Variants in ARID2 observed in about 807,000 individuals in gnomAD.
ARID2 encodes AT-rich interactive domain-containing protein 2.
ARID2 carries 32 observed loss-of-function variants against 184.6 expected under a neutral mutation model. The ratio of observed to expected loss-of-function variants is 0.17; its 90% confidence interval spans 0.13 to 0.23. The LOEUF (loss-of-function observed/expected upper bound fraction) is 0.23. Among genes scored for constraint, ARID2 ranks in the 10% least tolerant of loss-of-function variants. The pLI, the probability that ARID2 is intolerant of heterozygous loss-of-function variation, is 1.00. For missense variants in ARID2, 1,696 were observed against 2,197.6 expected (o/e 0.77, Z 4.56); for synonymous variants, 836 against 772.6 (o/e 1.08, Z -1.36).
chr12:45,788,028 T>G (rs1320528417), intron 3 of ARID2, among the ~76,000 whole-genome samples: 1 of 152,234 alleles, frequency 6.6e-6, no homozygotes, highest in Non-Finnish European at 1.5e-5. Flanking sequence ...AACATACTGT[T>G]TTGAAGTATG....
At chr12:45,859,741 A>AT (rs1943710335) in intron 15 of ARID2, among the ~76,000 whole-genome samples, 1 of 152,072 alleles carries the variant, frequency 6.6e-6, no homozygotes, top group Non-Finnish European at 1.5e-5. Context: ...TAGAATTATT[A>AT]TTTTTTCTTT....
Position 45,839,476 on chromosome 12 carries a change from C to A in ARID2, c.1478C>A (p.Thr493Asn), listed in dbSNP as rs773261633. Residue 493 changes from threonine to asparagine, a missense_variant, in exon 11 of 21, where the codon ACT becomes AAT. Around this residue, in one of 11 missense-constraint regions of ARID2, gnomAD observed 713 missense variants for 824.4 expected, o/e 0.86. Coordinates refer to ENST00000334344, the MANE Select transcript of ARID2 (RefSeq NM_152641.4). ...PQAIEQVQTQ[T>N]HVASAPASRA... The stretch of plus-strand genomic sequence containing the variant: ...GCTATAGAGCAAGTCCAAACCCAGA[C>A]TCATGTAGCATCTGCCCCAGGTTAG... 1.2e-6 allele frequency: 2 copies of A among 1,612,912 alleles called. No homozygotes were observed. Among genetic ancestry groups the A allele is most frequent in the South Asian group, 1.1e-5 (1 of 90,814 alleles).
chr12:45,783,710 G>T (rs771695124), intron 3 of ARID2, among the ~76,000 whole-genome samples: 1 of 152,184 alleles, frequency 6.6e-6, no homozygotes, highest in African/African-American at 2.4e-5. Flanking sequence ...GCGCAGTTTC[G>T]CTGGCTTGCC....
intron 6 of ARID2, among the ~76,000 whole-genome samples, chr12:45,824,404 A>G (rs1194095514): frequency 3.9e-5 from 6 of 152,102 alleles, no homozygotes; most frequent in Non-Finnish European, 7.4e-5. Context: ...CTCATTCAAC[A>G]TTGTATTGGA....
At chr12:45,876,785 C>T (rs1029218389) in intron 16 of ARID2, among the ~76,000 whole-genome samples, 19 of 148,252 alleles carry the variant, frequency 1.3e-4, no homozygotes, top group Admixed American at 2.7e-4. Context: ...TTGCCACAAA[C>T]CTTCAATTAA....
At chr12:45,899,981 G>A (rs982006802) in intron 20 of ARID2, among the ~76,000 whole-genome samples, 3 of 151,792 alleles carry the variant, frequency 2.0e-5, no homozygotes, top group African/African-American at 4.8e-5. Context: ...CATCACAGTC[G>A]TTGATTAAAT....
At chr12:45,815,835 A>G (rs1334046747) in intron 4 of ARID2, among the ~76,000 whole-genome samples, 1 of 152,018 alleles carries the variant, frequency 6.6e-6, no homozygotes, top group Non-Finnish European at 1.5e-5. Flanking sequence ...TAAATGTTAA[A>G]TTTTTGGTAG....
chr12:45,740,435 T>C (rs1329641322), intron 3 of ARID2, among the ~76,000 whole-genome samples: 1 of 152,040 alleles, frequency 6.6e-6, no homozygotes, highest in East Asian at 1.9e-4. Flanking sequence ...ACACACACTA[T>C]CACATATAAA....
In ARID2 at chr12:45,747,058, C is replaced by T. The variant is rs141173412; in HGVS notation, c.284+15744C>T. On this transcript the variant is annotated intron_variant, in intron 3 of 20. Transcript: ENST00000334344. Reference sequence around the variant, plus strand: ...TGTTGGGATTACAGGCGTGAGCCACCGTGCCCGGCTGGACCTAGTATTTAA... The same window carrying T: ...TGTTGGGATTACAGGCGTGAGCCACTGTGCCCGGCTGGACCTAGTATTTAA... Among the ~76,000 whole-genome samples the T allele has an allele frequency of 5.9e-5, 9 of 152,298 alleles. No individual in the cohort carries two copies. The East Asian group carries it at 1.2e-3, about 20-fold the overall frequency.
chr12:45,844,653 G>A (rs917599481), intron 11 of ARID2, among the ~76,000 whole-genome samples: 8 of 152,158 alleles, frequency 5.3e-5, no homozygotes, highest in African/African-American at 1.7e-4. Flanking sequence ...AGTAGCTAGC[G>A]TTTATATAGT....
At chr12:45,838,045 ATTTC>A (rs756091591) in intron 10 of ARID2, among the ~76,000 whole-genome samples, 11 of 152,318 alleles carry the variant, frequency 7.2e-5, no homozygotes, top group Non-Finnish European at 1.3e-4. Flanking sequence ...AGTAATTCCT[ATTTC>A]TTCTCTTAAT....
At chr12:45,895,675 T>C (rs892217267) in intron 20 of ARID2, among the ~76,000 whole-genome samples, 21 of 152,132 alleles carry the variant, frequency 1.4e-4, no homozygotes, top group African/African-American at 5.1e-4. Flanking sequence ...GCTGGGATTA[T>C]CGGCTCATGC....
intron 16 of ARID2, among the ~76,000 whole-genome samples, chr12:45,861,852 C>T (rs1266585059): frequency 6.6e-6 from 1 of 151,958 alleles, no homozygotes. Flanking sequence ...GGACTACAAG[C>T]GTAAGCTACT....
chr12:45,834,042 A>G (rs1943169472), intron 6 of ARID2, among the ~76,000 whole-genome samples: 1 of 152,172 alleles, frequency 6.6e-6, no homozygotes, highest in African/African-American at 2.4e-5. Flanking sequence ...GCTTTAGTCT[A>G]GAATTAATGT....
intron 3 of ARID2, among the ~76,000 whole-genome samples, chr12:45,777,571 G>C (rs1028513061): frequency 4.6e-5 from 7 of 151,806 alleles, no homozygotes; most frequent in Non-Finnish European, 7.4e-5. Context: ...ATTTTTCTCC[G>C]TGTAAGTCAA....
Position 45,785,202 on chromosome 12 carries a change from C to T in ARID2, c.285-26216C>T, listed in dbSNP as rs79858605. On this transcript the variant is annotated intron_variant, in intron 3 of 20. Transcript: ENST00000334344. ...TATAGAGACAGGAGCACAGAGTGCC[C>T]TAAAGTTAAACAAGTTTGAATTCTG... is the stretch of plus-strand genomic sequence containing the variant. Among the ~76,000 whole-genome samples the T allele has an allele frequency of 1.2e-3, 182 of 152,200 alleles. 2 individuals carry two copies. In the East Asian group the frequency reaches 0.013, roughly 11 times the overall value.
chr12:45,858,915 T>C (rs1943697830), intron 15 of ARID2, among the ~76,000 whole-genome samples: 1 of 152,238 alleles, frequency 6.6e-6, no homozygotes. Flanking sequence ...AGTCTTGAAG[T>C]AGATTTTTCC....
At chr12:45,734,025 A>C (rs1453009742) in intron 3 of ARID2, among the ~76,000 whole-genome samples, 1 of 152,228 alleles carries the variant, frequency 6.6e-6, no homozygotes, top group East Asian at 1.9e-4. Flanking sequence ...CAAAAATTAA[A>C]AATTAAAAAA....
chr12:45,899,561 C>A (rs1016390928), intron 20 of ARID2, among the ~76,000 whole-genome samples: 2 of 148,238 alleles, frequency 1.3e-5, no homozygotes, highest in Non-Finnish European at 3.0e-5. Flanking sequence ...AACCGAGATC[C>A]CACCACTGCA....
Sources: allele counts gnomAD v4.1 joint callset (sites outside exome capture counted in the v4.1 genomes callset), GRCh38; gene constraint gnomAD v4.1.1; regional missense constraint gnomAD v4.1.1; transcripts MANE v1.5; gene names NCBI Gene and HGNC (gene_info 2026-07-23, HGNC 2026-07-21).